Variants in SLC30A7 observed in about 807,000 individuals in gnomAD.
SLC30A7 encodes zinc transporter 7.
In SLC30A7, 35 loss-of-function variants were observed where a neutral mutation model predicts 46.0. The observed-to-expected ratio is 0.76, with a 90% CI of 0.58 to 1.01. The LOEUF is 1.01. Ranked by LOEUF, SLC30A7 falls within the 50% of genes least tolerant of loss-of-function variation. The probability of loss-of-function intolerance (pLI) is 0.00; values close to 1 mark genes in which losing one functional copy is unlikely to be tolerated. For synonymous variants in SLC30A7, 147 were observed against 157.8 expected (o/e 0.93, Z 0.51); for missense variants, 464 against 451.1 (o/e 1.03, Z -0.26).
chr1:100,974,134 G>A (rs1656321334), intron 10 of SLC30A7, among the ~76,000 whole-genome samples: 2 of 152,148 alleles, frequency 1.3e-5, no homozygotes, highest in Non-Finnish European at 2.9e-5. Context: ...TACAAGTGCA[G>A]TTTTGTTACT....
At position 100,900,923 on chromosome 1, in the gene SLC30A7, A is replaced by G. The variant is rs115221553; in HGVS notation, c.182+4252A>G. Among the ~76,000 whole-genome samples, 1,072 of 152,318 alleles carry G rather than the reference A, an allele frequency of 7.0e-3. 21 individuals carry two copies. The highest frequency in any genetic ancestry group is 0.024 in the African/African-American group (1,014 of 41,558). On this transcript the variant is annotated intron_variant, in intron 2 of 10. Transcript: ENST00000357650. ...TTTTTTATCACTGGGTATTTTAAAC[A>G]TATGTAAAAGTAGAGCATTTAATGG...
chr1:100,901,111 C>T (rs1651280400), intron 2 of SLC30A7, among the ~76,000 whole-genome samples: 1 of 152,134 alleles, frequency 6.6e-6, no homozygotes, highest in Non-Finnish European at 1.5e-5. Context: ...AAATCCACCC[C>T]CCCTTAACAT....
the SLC30A7 span, chr1:100,990,325 T>G: frequency 3.0e-5 from 39 of 1,280,772 alleles, no homozygotes; most frequent in Non-Finnish European, 4.1e-5. Flanking sequence ...AAATTCAAGA[T>G]GAGACTTGGG....
At chr1:100,952,891 T>C (rs943432301) in intron 8 of SLC30A7, among the ~76,000 whole-genome samples, 11 of 152,342 alleles carry the variant, frequency 7.2e-5, no homozygotes, top group African/African-American at 2.6e-4. Context: ...CTATGTAGAT[T>C]GGATCAAATA....
At chr1:100,991,788 CAAAA>C in the SLC30A7 span, among the ~76,000 whole-genome samples, 1 of 101,066 alleles carries the variant, frequency 9.9e-6, no homozygotes, top group African/African-American at 4.0e-5. Flanking sequence ...GACCCCATCT[CAAAA>C]AAAAAAAAAA....
chr1:100,979,267 T>A lies in SLC30A7; in HGVS notation c.*4410T>A, dbSNP rs1656758147. The A allele has an allele frequency of 6.6e-6, 1 of 151,778 alleles. No homozygotes were observed. Among genetic ancestry groups the A allele is most frequent in the Admixed American group, 6.6e-5 (1 of 15,238 alleles). The allele number at this position is 151,778 out of a possible 1,614,324, so 9.4% of individuals were successfully genotyped here. ...TCACCGTCTTTGAAACAAATTATTT[T>A]CCAATTCATAAGAACTTTGGTAAAA... On this transcript the variant is annotated 3_prime_UTR_variant, in exon 11 of 11. Transcript: ENST00000357650.
At chr1:100,981,763 A>C (rs1225717083), downstream of SLC30A7, 2 of 152,224 alleles carry the variant, frequency 1.3e-5, no homozygotes, top group African/African-American at 4.8e-5. Flanking sequence ...CTCTACCTGA[A>C]TTGTGTCTTA....
chr1:100,947,994 C>A (rs539733568), intron 8 of SLC30A7, among the ~76,000 whole-genome samples: 56 of 152,192 alleles, frequency 3.7e-4, no homozygotes, highest in Non-Finnish European at 6.2e-4. Flanking sequence ...GGTCTTGACT[C>A]TTTATCCAGT....
chr1:100,911,176 G>GTAAA lies in SLC30A7; in HGVS notation c.384+28_384+31dup, dbSNP rs1652069751. The GTAAA allele has an allele frequency of 2.1e-6, 3 of 1,427,964 alleles. No individual in the cohort carries two copies. The African/African-American group carries it at 4.3e-5, about 20-fold the overall frequency. The allele number at this position is 1,427,964 out of a possible 1,614,324, so 88.5% of individuals were successfully genotyped here. On this transcript the variant is annotated intron_variant, in intron 4 of 10. Coordinates refer to ENST00000357650, the MANE Select transcript of SLC30A7 (RefSeq NM_133496.5). ...GTATAGTAGATAATTATTAAAGTCA[G>GTAAA]TAAATTACATTTCTGTAATGAAAAT...
At chr1:100,915,647 T>C (rs2101024307) in intron 6 of SLC30A7, among the ~76,000 whole-genome samples, 1 of 152,354 alleles carries the variant, frequency 6.6e-6, no homozygotes, top group South Asian at 2.1e-4. Context: ...TTCCGTTGTA[T>C]GTATATACCA....
chr1:100,973,118 G>T (rs1656249518), intron 10 of SLC30A7, among the ~76,000 whole-genome samples: 1 of 151,506 alleles, frequency 6.6e-6, no homozygotes. Context: ...TTCTTTTGCT[G>T]ACAAGCTTCT....
intron 2 of SLC30A7, among the ~76,000 whole-genome samples, chr1:100,903,634 A>G (rs955928950): frequency 2.6e-5 from 4 of 152,142 alleles, no homozygotes; most frequent in African/African-American, 4.8e-5. Flanking sequence ...TAATATATCT[A>G]TATTTCAGTG....
rs1652942942 is a variant in SLC30A7 at position 100,921,704 on chromosome 1, A to G, written c.707-2A>G. 5.6e-6 allele frequency: 9 copies of G among 1,604,736 alleles called. No homozygotes were observed. The highest frequency in any genetic ancestry group is 6.8e-6 in the Non-Finnish European group (8 of 1,173,358). ...TTGATTTTTATTATGGTTTATTTCTAGGTGTATTTTTACATATCCTAGCAG... is the reference window on the plus strand; with the variant it reads ...TTGATTTTTATTATGGTTTATTTCTGGGTGTATTTTTACATATCCTAGCAG... On this transcript the variant is annotated splice_acceptor_variant, in intron 7 of 10. Coordinates refer to ENST00000357650, the MANE Select transcript of SLC30A7 (RefSeq NM_133496.5). LOFTEE classifies it high-confidence loss of function.
chr1:100,948,741 T>G (rs1232345641), intron 8 of SLC30A7, among the ~76,000 whole-genome samples: 2 of 152,084 alleles, frequency 1.3e-5, no homozygotes, highest in Non-Finnish European at 2.9e-5. Context: ...TTTGTTACTT[T>G]TTACTTTTTT....
At chr1:100,941,927 C>T in intron 8 of SLC30A7, 1 of 295,036 alleles carries the variant, frequency 3.4e-6, no homozygotes, top group Non-Finnish European at 6.5e-6. Flanking sequence ...TGTTTCAAAG[C>T]CAACCCTCCA....
intron 10 of SLC30A7, among the ~76,000 whole-genome samples, chr1:100,972,927 A>T (rs369140987): frequency 1.3e-4 from 20 of 152,190 alleles, no homozygotes; most frequent in African/African-American, 4.8e-4. Context: ...GTTTGATTTT[A>T]ATTTGTAACT....
intron 10 of SLC30A7, among the ~76,000 whole-genome samples, chr1:100,973,818 C>T (rs1177353307): frequency 6.6e-6 from 1 of 152,040 alleles, no homozygotes; most frequent in Non-Finnish European, 1.5e-5. Flanking sequence ...TATCTATAGG[C>T]AGGAGTGACC....
downstream of SLC30A7, among the ~76,000 whole-genome samples, chr1:100,982,884 C>G (rs1657029993): frequency 6.6e-6 from 1 of 152,206 alleles, no homozygotes; most frequent in Non-Finnish European, 1.5e-5. Flanking sequence ...TAATTAGCCT[C>G]TGGCCTAATT....
intron 2 of SLC30A7, among the ~76,000 whole-genome samples, chr1:100,902,370 C>G (rs1339658963): frequency 6.6e-6 from 1 of 152,118 alleles, no homozygotes; most frequent in East Asian, 1.9e-4. Context: ...AGGAACCTGA[C>G]TGCTATTCTG....
Sources: gnomAD v4.1 joint callset for allele counts (sites outside exome capture counted in the v4.1 genomes callset) on GRCh38, gnomAD v4.1.1 for gene constraint, MANE v1.5 for transcripts, NCBI Gene and HGNC (gene_info 2026-07-23, HGNC 2026-07-21) for gene names.